The following RBM20 variants were observed in gnomAD, a reference collection of about 807,000 sequenced individuals.
RBM20 encodes RNA binding motif protein 20, also known as RNA-binding protein 20.
RBM20 carries 51 observed loss-of-function variants against 110.1 expected under a neutral mutation model. That is an observed-to-expected ratio of 0.46 (90% CI 0.37 to 0.59). The LOEUF (loss-of-function observed/expected upper bound fraction) is 0.59. RBM20 is among the 20% of genes least tolerant of loss of function. The pLI is 0.00. For synonymous variants in RBM20, 589 were observed against 618.2 expected (o/e 0.95, Z 0.70); for missense variants, 1,512 against 1,574.9 (o/e 0.96, Z 0.68).
At chr10:110,771,969 AG>A (rs1421144091) in intron 1 of RBM20, among the ~76,000 whole-genome samples, 1 of 152,260 alleles carries the variant, frequency 6.6e-6, no homozygotes, top group Non-Finnish European at 1.5e-5. Context: ...CCATTACAAA[AG>A]ACTCAGATGT....
At chr10:110,672,600 G>A (rs572773579) in intron 1 of RBM20, among the ~76,000 whole-genome samples, 1 of 152,352 alleles carries the variant, frequency 6.6e-6, no homozygotes, top group Non-Finnish European at 1.5e-5. Flanking sequence ...GTTCTCCAGC[G>A]ACCCCTGAAG....
At chr10:110,657,953 G>A (rs1332059811) in intron 1 of RBM20, among the ~76,000 whole-genome samples, 1 of 152,170 alleles carries the variant, frequency 6.6e-6, no homozygotes, top group Non-Finnish European at 1.5e-5. Context: ...GCATGTTAAT[G>A]TAACCCTTTA....
intron 10 of RBM20, 73 bp from the exon 11 acceptor site, chr10:110,821,202 A>T: frequency 7.6e-7 from 1 of 1,308,838 alleles, no homozygotes. Flanking sequence ...AGTGGTCCTT[A>T]TGGCCAAGTC....
chr10:110,670,190 A>G (rs552126467), intron 1 of RBM20, among the ~76,000 whole-genome samples: 13 of 152,272 alleles, frequency 8.5e-5, no homozygotes, highest in East Asian at 3.9e-4. Context: ...TGTGTATTCA[A>G]TGCATGTTGT....
At chr10:110,755,154 G>A (rs917362334) in intron 1 of RBM20, among the ~76,000 whole-genome samples, 6 of 151,866 alleles carry the variant, frequency 4.0e-5, no homozygotes, top group African/African-American at 1.4e-4. Context: ...CTATGGGTTT[G>A]GGGGGGACAG....
At chr10:110,729,568 C>T (rs1242999020) in intron 1 of RBM20, among the ~76,000 whole-genome samples, 2 of 152,230 alleles carry the variant, frequency 1.3e-5, no homozygotes, top group African/African-American at 4.8e-5. Flanking sequence ...GAGATCGTAT[C>T]TCCCAGATTT....
chr10:110,836,006 T>C lies in RBM20; in HGVS notation c.*28T>C, dbSNP rs1260462128. On this transcript the variant is annotated 3_prime_UTR_variant, in exon 14 of 14. Transcript: ENST00000369519. Reference sequence around the variant, plus strand: ...CTTCTGCTTCTGCTGCTACTGCTGCTGCTGCAAGGTTGGAAAGGAGAGCTT... The same window carrying C: ...CTTCTGCTTCTGCTGCTACTGCTGCCGCTGCAAGGTTGGAAAGGAGAGCTT... 3 of 888,052 alleles carry C rather than the reference T, an allele frequency of 3.4e-6. No homozygotes were observed. Among genetic ancestry groups the C allele is most frequent in the Non-Finnish European group, 5.3e-6 (3 of 563,142 alleles). 55.0% of individuals were successfully genotyped at this position (888,052 alleles called of 1,614,324 possible). A position where few individuals can be genotyped will look rare whatever the true frequency, so the allele number is the denominator to read the frequency against.
At position 110,812,641 on chromosome 10, in the gene RBM20, T is replaced by G. The variant is rs727503388; in HGVS notation, c.2244T>G (p.Ser748=). Residue 748 remains serine, a synonymous_variant, in exon 9 of 14, where the codon TCT becomes TCG. Transcript: ENST00000369519. ...CTGGGTCTCCCAACCTGCCCCACTC[T>G]GTGTCCAGCTACAAAAGCCGTGAAG... ...PRSGSPNLPH[S]VSSYKSREDG... is the part of the protein sequence containing the mutation. 147 of 1,551,424 alleles carry G rather than the reference T, an allele frequency of 9.5e-5. No homozygotes were observed. Among genetic ancestry groups the G allele is most frequent in the Middle Eastern group, 1.7e-4 (1 of 6,014 alleles).
At chr10:110,646,643 A>C (rs1359622740) in intron 1 of RBM20, among the ~76,000 whole-genome samples, 1 of 152,240 alleles carries the variant, frequency 6.6e-6, no homozygotes, top group African/African-American at 2.4e-5. Context: ...CTTAGTACCC[A>C]CTGAAATTCC....
intron 5 of RBM20, among the ~76,000 whole-genome samples, chr10:110,789,912 A>G (rs1360670699): frequency 1.3e-5 from 2 of 152,168 alleles, no homozygotes; most frequent in Non-Finnish European, 2.9e-5. Flanking sequence ...GCCTGTTAGT[A>G]GTTTTTGTGT....
chr10:110,738,019 T>C (rs889561108), intron 1 of RBM20, among the ~76,000 whole-genome samples: 5 of 152,202 alleles, frequency 3.3e-5, no homozygotes, highest in African/African-American at 7.2e-5. Context: ...ATCATCTATA[T>C]GCCAGGCACT....
intron 1 of RBM20, among the ~76,000 whole-genome samples, chr10:110,758,014 C>CTTTT (rs760246427): frequency 0.32 from 25,420 of 78,798 alleles, 6,937 homozygotes; most frequent in Non-Finnish European, 0.38. Context: ...GATCCTTGTT[C>CTTTT]TTTTTTTTTT....
intron 1 of RBM20, among the ~76,000 whole-genome samples, chr10:110,774,465 G>A (rs1477335833): frequency 6.6e-6 from 1 of 152,096 alleles, no homozygotes; most frequent in African/African-American, 2.4e-5. Flanking sequence ...CAAAAGGTGT[G>A]TGGCCTCATC....
chr10:110,696,947 C>A (rs1190148126), intron 1 of RBM20, among the ~76,000 whole-genome samples: 3 of 152,168 alleles, frequency 2.0e-5, no homozygotes, highest in African/African-American at 2.4e-5. Context: ...CAAAAGGGAG[C>A]CCATCCACAG....
chr10:110,646,518 C>T (rs573611541), intron 1 of RBM20, among the ~76,000 whole-genome samples: 6 of 152,272 alleles, frequency 3.9e-5, no homozygotes, highest in South Asian at 2.1e-4. Context: ...ACATTGGTGA[C>T]GGATCAGTGT....
chr10:110,832,879 G>A (rs555309302), intron 13 of RBM20, among the ~76,000 whole-genome samples: 99 of 152,254 alleles, frequency 6.5e-4, no homozygotes, highest in African/African-American at 2.1e-3. Context: ...GCCTCTCCTC[G>A]GGCAAGGCAA....
chr10:110,733,406 G>T (rs1843638873), intron 1 of RBM20, among the ~76,000 whole-genome samples: 1 of 152,224 alleles, frequency 6.6e-6, no homozygotes. Flanking sequence ...TGGCTGGGAG[G>T]ATTGACGATG....
At chr10:110,813,835 CAAAA>C (rs57225247) in intron 9 of RBM20, among the ~76,000 whole-genome samples, 52,075 of 125,004 alleles carry the variant, frequency 0.42, 10,921 homozygotes, top group Admixed American at 0.55. Context: ...AACTCTATTT[CAAAA>C]AAAAAAAAAA....
At chr10:110,647,834 G>C (rs1244594855) in intron 1 of RBM20, among the ~76,000 whole-genome samples, 2 of 152,024 alleles carry the variant, frequency 1.3e-5, no homozygotes, top group African/African-American at 4.8e-5. Context: ...TTAAGTTTTA[G>C]GTTGCCAGTT....
Sources: allele counts gnomAD v4.1 joint callset (sites outside exome capture counted in the v4.1 genomes callset), GRCh38; gene constraint gnomAD v4.1.1; transcripts MANE v1.5; gene names NCBI Gene and HGNC (gene_info 2026-07-23, HGNC 2026-07-21).